Variants in ZFAND2A observed in about 807,000 individuals in gnomAD.
ZFAND2A encodes the protein zinc finger AN1-type containing 2A.
A neutral mutation model predicts 11.6 loss-of-function variants in ZFAND2A; 20 were observed. The observed-to-expected ratio is 1.72, with a 90% CI of 1.21 to 2.50. The LOEUF (loss-of-function observed/expected upper bound fraction) is 2.50. ZFAND2A is among the 30% of genes most tolerant of loss of function. ZFAND2A has a pLI of 0.00. For missense variants in ZFAND2A, 234 were observed against 182.9 expected (o/e 1.28, Z -1.61); for synonymous variants, 93 against 60.6 (o/e 1.54, Z -2.48).
At chr7:1,149,017 CA>C (rs1200845190), downstream of ZFAND2A, among the ~76,000 whole-genome samples, 1 of 151,866 alleles carries the variant, frequency 6.6e-6, no homozygotes, top group Non-Finnish European at 1.5e-5. Context: ...AGTCCTATCT[CA>C]AACATCTGGG....
rs532168361 is a variant in ZFAND2A, at chr7:1,160,005, G to A, written c.-87C>T. 3.2e-5 allele frequency: 5 copies of A among 156,734 alleles called. No individual in the cohort carries two copies. The highest frequency in any genetic ancestry group is 5.7e-5 in the Non-Finnish European group (4 of 70,154). 9.7% of individuals were successfully genotyped at this position (156,734 alleles called of 1,614,324 possible). A position where few individuals can be genotyped will look rare whatever the true frequency, so the allele number is the denominator to read the frequency against. ...ACCCAGGCAGCTGAGGTGAGCAGCA[G>A]ATGGAAGAGACGTAAACTCAGGTGT... On this transcript the variant is annotated 5_prime_UTR_variant, in exon 1 of 5. Coordinates refer to ENST00000316495, the MANE Select transcript of ZFAND2A (RefSeq NM_182491.4).
In ZFAND2A at chr7:1,158,169, C is replaced by G. The variant is rs2128258919; in HGVS notation, c.44G>C (p.Cys15Ser). The part of the protein sequence containing the change: ...DLGKHCSEKT[C>S]KQLDFLPVKC... The stretch of plus-strand genomic sequence containing the variant: ...TTAAAAGTACTCACCTAGCTGCTTG[C>G]AAGTCTTTTCTGAACAATGCTTCCC... Residue 15 changes from cysteine (C) to serine (S), a missense_variant, in exon 2 of 5, where the codon TGC becomes TCC. Physicochemically the swap from Cys to Ser is moderately radical, Grantham distance 112 (BLOSUM62 -1). Coordinates refer to ENST00000316495, the MANE Select transcript of ZFAND2A (RefSeq NM_182491.4). The G allele has an allele frequency of 6.2e-7, 1 of 1,614,120 alleles. No individual in the cohort carries two copies. The highest frequency in any genetic ancestry group is 2.2e-5 in the East Asian group (1 of 44,890).
rs759845039 is a variant in ZFAND2A, at chr7:1,153,232, A to C, written c.283-8T>G. Reference sequence around the variant, plus strand: ...GCAACGGTATGTAAAAATCTAAGAGAGCAAAGTGACTTCAACAAGCAATTC... The same window carrying C: ...GCAACGGTATGTAAAAATCTAAGAGCGCAAAGTGACTTCAACAAGCAATTC... On this transcript the variant is annotated splice_region_variant and splice_polypyrimidine_tract_variant and intron_variant, in intron 4 of 4. Transcript: ENST00000316495. 2.5e-6 allele frequency: 4 copies of C among 1,607,628 alleles called. No homozygotes were observed. The highest frequency in any genetic ancestry group is 3.4e-6 in the Non-Finnish European group (4 of 1,174,542).
intron 4 of ZFAND2A, 112 bp from the exon 5 acceptor site, chr7:1,153,336 C>T (rs1793444811): frequency 8.5e-7 from 1 of 1,172,902 alleles, no homozygotes; most frequent in Non-Finnish European, 1.2e-6. Context: ...CAACCTCTGC[C>T]TCCTGGACTC....
chr7:1,150,642 C>T (rs149075338), downstream of ZFAND2A, among the ~76,000 whole-genome samples: 2 of 152,200 alleles, frequency 1.3e-5, no homozygotes. Context: ...CTCACTACCC[C>T]CCTTCCCTCC....
chr7:1,158,023 C>T, intron 2 of ZFAND2A, 135 bp downstream of exon 2: 1 of 940,498 alleles, frequency 1.1e-6, no homozygotes, highest in Non-Finnish European at 1.6e-6. Context: ...AAGTGTCAAA[C>T]AGAACCTGCA....
chr7:1,152,318 G>T, downstream of ZFAND2A: 1 of 1,580,162 alleles, frequency 6.3e-7, no homozygotes, highest in Non-Finnish European at 8.6e-7. Flanking sequence ...CAACGGCCTG[G>T]ATTCAGAGAC....
chr7:1,155,186 A>C (rs1358219422), intron 4 of ZFAND2A, among the ~76,000 whole-genome samples: 1 of 152,206 alleles, frequency 6.6e-6, no homozygotes, highest in Non-Finnish European at 1.5e-5. Context: ...CTAGAAAGCC[A>C]TGTGAATTCT....
At chr7:1,152,183 T>G (rs116589816), downstream of ZFAND2A, 1 of 1,505,966 alleles carries the variant, frequency 6.6e-7, no homozygotes, top group Non-Finnish European at 8.9e-7. Flanking sequence ...CACAGCAACC[T>G]TTCCGTGTTC....
In ZFAND2A at chr7:1,153,006, A is replaced by G; in HGVS notation, c.*63T>C. 1 of 1,602,138 alleles carries G rather than the reference A, an allele frequency of 6.2e-7. No individual in the cohort carries two copies. The highest frequency in any genetic ancestry group is 1.1e-5 in the South Asian group (1 of 89,718). On this transcript the variant is annotated 3_prime_UTR_variant, in exon 5 of 5. Coordinates refer to ENST00000316495, the MANE Select transcript of ZFAND2A (RefSeq NM_182491.4). ...GCTCAATGGGGCTCCACTTCCCACTAGAGTGTAAGCTGCTTCCACGCATGC... is the reference window on the plus strand; with the variant it reads ...GCTCAATGGGGCTCCACTTCCCACTGGAGTGTAAGCTGCTTCCACGCATGC...
chr7:1,157,030 G>A (rs1455897656), intron 3 of ZFAND2A: 1 of 152,304 alleles, frequency 6.6e-6, no homozygotes, highest in East Asian at 1.9e-4. Context: ...CTGCCACCAC[G>A]GTCAAGTGGC....
chr7:1,159,521 G>A (rs1163803251), intron 1 of ZFAND2A, among the ~76,000 whole-genome samples: 14 of 116,044 alleles, frequency 1.2e-4, no homozygotes, highest in Admixed American at 3.5e-4. Flanking sequence ...GCAGACAGCC[G>A]GACCCCCAAC....
At chr7:1,153,561 C>T (rs1401584199) in intron 4 of ZFAND2A, among the ~76,000 whole-genome samples, 3 of 152,140 alleles carry the variant, frequency 2.0e-5, no homozygotes, top group South Asian at 4.1e-4. Context: ...TAACAGCCTC[C>T]GGTAAGAACA....
chr7:1,150,153 AT>A (rs1192464007), downstream of ZFAND2A, among the ~76,000 whole-genome samples: 3 of 150,878 alleles, frequency 2.0e-5, no homozygotes, highest in African/African-American at 4.9e-5. Flanking sequence ...AGTTTGTCAG[AT>A]TAAAAAAAAA....
In ZFAND2A at chr7:1,157,471, C is replaced by A. The variant is rs1194447772; in HGVS notation, c.150+185G>T. On this transcript the variant is annotated intron_variant, in intron 3 of 4. Coordinates refer to ENST00000316495, the MANE Select transcript of ZFAND2A (RefSeq NM_182491.4). ...CATCCAACAGAATGTCCTGTGAGGG[C>A]AGACACGCTCCTCTGTACTGCCTAA... The A allele has an allele frequency of 9.9e-6, 5 of 503,050 alleles. No individual in the cohort carries two copies. The East Asian group carries it at 1.0e-4, about 11-fold the overall frequency. 31.2% of individuals were successfully genotyped at this position (503,050 alleles called of 1,614,324 possible).
At chr7:1,150,902 T>C (rs113874982), downstream of ZFAND2A, among the ~76,000 whole-genome samples, 1,948 of 142,088 alleles carry the variant, frequency 0.014, 38 homozygotes, top group African/African-American at 0.048. Context: ...TTTTTTTTTT[T>C]TTTGAGATTC....
chr7:1,154,950 T>C (rs1793486679), intron 4 of ZFAND2A, among the ~76,000 whole-genome samples: 2 of 152,100 alleles, frequency 1.3e-5, no homozygotes, highest in Admixed American at 1.3e-4. Flanking sequence ...AAACCCTGTC[T>C]CTACTAAAAA....
downstream of ZFAND2A, among the ~76,000 whole-genome samples, chr7:1,149,566 C>T (rs1360102293): frequency 6.6e-6 from 1 of 152,202 alleles, no homozygotes; most frequent in Non-Finnish European, 1.5e-5. Flanking sequence ...TGTCACCCAC[C>T]GTCAGGGATG....
downstream of ZFAND2A, among the ~76,000 whole-genome samples, chr7:1,151,541 T>C (rs1166893768): frequency 1.3e-5 from 2 of 152,004 alleles, no homozygotes; most frequent in Non-Finnish European, 2.9e-5. Context: ...ACGCCCGGCC[T>C]AGTTTGTGTA....
Sources: allele counts gnomAD v4.1 joint callset (sites outside exome capture counted in the v4.1 genomes callset), GRCh38; gene constraint gnomAD v4.1.1; transcripts MANE v1.5; gene names NCBI Gene and HGNC (gene_info 2026-07-23, HGNC 2026-07-21).